ADAMTS19: variants seen among roughly 807,000 people sequenced by gnomAD.
The protein encoded by ADAMTS19 is ADAM metallopeptidase with thrombospondin type 1 motif 19.
In ADAMTS19, 93 loss-of-function variants were observed where a neutral mutation model predicts 153.3. That is an observed-to-expected ratio of 0.61 (90% CI 0.51 to 0.72). ADAMTS19 has a LOEUF of 0.72. Among genes scored for constraint, ADAMTS19 ranks in the 30% least tolerant of loss-of-function variants. The probability of loss-of-function intolerance (pLI) is 0.00; values close to 1 mark genes in which losing one functional copy is unlikely to be tolerated. For synonymous variants in ADAMTS19, 600 were observed against 556.6 expected (o/e 1.08, Z -1.10); for missense variants, 1,482 against 1,552.1 (o/e 0.95, Z 0.76).
At chr5:129,470,703 C>A (rs1008904902) in intron 2 of ADAMTS19, among the ~76,000 whole-genome samples, 7 of 152,148 alleles carry the variant, frequency 4.6e-5, no homozygotes, top group African/African-American at 1.7e-4. Context: ...AGAAACTTGA[C>A]TTCATCTCAT....
intron 7 of ADAMTS19, among the ~76,000 whole-genome samples, chr5:129,570,161 G>A (rs62398984): frequency 0.061 from 9,252 of 151,876 alleles, 415 homozygotes; most frequent in Non-Finnish European, 0.088. Context: ...GGAATTGTGA[G>A]TAAAATTTCA....
chr5:129,623,968 A>G (rs1450529395), intron 10 of ADAMTS19, among the ~76,000 whole-genome samples: 1 of 151,350 alleles, frequency 6.6e-6, no homozygotes, highest in Admixed American at 6.6e-5. Context: ...AAAATATAAA[A>G]AAAAAAAAAT....
At chr5:129,707,759 CAA>C (rs1015089989) in intron 21 of ADAMTS19, among the ~76,000 whole-genome samples, 3 of 152,174 alleles carry the variant, frequency 2.0e-5, no homozygotes, top group Admixed American at 2.0e-4. Flanking sequence ...CAGTTTCACG[CAA>C]AGTCTGCCCT....
At chr5:129,631,007 A>C (rs1380548717) in intron 10 of ADAMTS19, among the ~76,000 whole-genome samples, 2 of 152,012 alleles carry the variant, frequency 1.3e-5, no homozygotes, top group African/African-American at 4.8e-5. Context: ...AAGAAATGCA[A>C]ATTAAAACCA....
intron 6 of ADAMTS19, among the ~76,000 whole-genome samples, chr5:129,541,359 C>A (rs1752648003): frequency 6.6e-6 from 1 of 151,890 alleles, no homozygotes; most frequent in African/African-American, 2.4e-5. Context: ...GTTGCAGGTT[C>A]ATGCATCATG....
chr5:129,548,994 G>A (rs1752966067), intron 6 of ADAMTS19, among the ~76,000 whole-genome samples: 1 of 133,762 alleles, frequency 7.5e-6, no homozygotes, highest in South Asian at 2.5e-4. Flanking sequence ...CATGGACACA[G>A]GAAGGGGAGC....
intron 21 of ADAMTS19, among the ~76,000 whole-genome samples, chr5:129,714,044 G>T (rs188096534): frequency 8.5e-5 from 13 of 152,328 alleles, no homozygotes; most frequent in African/African-American, 2.9e-4. Flanking sequence ...CAGTGTCAAT[G>T]ATGTGTGTAG....
intron 7 of ADAMTS19, among the ~76,000 whole-genome samples, chr5:129,567,180 CA>C (rs1199414920): frequency 6.6e-6 from 1 of 152,036 alleles, no homozygotes; most frequent in East Asian, 1.9e-4. Context: ...CCAAGACACG[CA>C]GAAGCCTTGT....
intron 21 of ADAMTS19, among the ~76,000 whole-genome samples, chr5:129,712,943 G>C (rs1340925042): frequency 1.3e-5 from 2 of 152,104 alleles, no homozygotes; most frequent in Non-Finnish European, 2.9e-5. Flanking sequence ...GAGAAATATT[G>C]TAAAAATAAA....
chr5:129,610,092 A>ATT (rs1751123330), intron 8 of ADAMTS19, among the ~76,000 whole-genome samples: 1 of 39,462 alleles, frequency 2.5e-5, no homozygotes, highest in Admixed American at 2.0e-4. Context: ...AGGTAGTGGT[A>ATT]TTATATATAT....
At chr5:129,736,946 A>T in intron 22 of ADAMTS19, 121 bp from the exon 23 acceptor site, 4 of 892,176 alleles carry the variant, frequency 4.5e-6, no homozygotes, top group Non-Finnish European at 6.3e-6. Context: ...AAATTCCAGA[A>T]GGTAATATAA....
rs1294791527 is a variant in ADAMTS19, at chr5:129,526,415, G to A, written c.1045G>A (p.Ala349Thr). ...ADPAMVSYHGADAARRFILTI... is the reference protein window; with the variant it reads ...ADPAMVSYHGTDAARRFILTI... ...CCCAGCAATGGTTTCCTATCATGGAGCAGATGCAGCCAGGAGATTCATTCT... is the reference window on the plus strand; with the variant it reads ...CCCAGCAATGGTTTCCTATCATGGAACAGATGCAGCCAGGAGATTCATTCT... Residue 349 changes from alanine to threonine, a missense_variant, in exon 4 of 23, where the codon GCA becomes ACA. Transcript: ENST00000274487. 6.2e-7 allele frequency: 1 copy of A among 1,604,114 alleles called. No homozygotes were observed. Among genetic ancestry groups the A allele is most frequent in the East Asian group, 2.3e-5 (1 of 43,960 alleles).
intron 8 of ADAMTS19, among the ~76,000 whole-genome samples, chr5:129,600,280 T>G (rs528512190): frequency 6.6e-6 from 1 of 152,100 alleles, no homozygotes; most frequent in African/African-American, 2.4e-5. Flanking sequence ...GCTATGTAAG[T>G]GAAACTCTTT....
At chr5:129,636,715 G>A (rs916678755) in intron 10 of ADAMTS19, among the ~76,000 whole-genome samples, 1 of 152,164 alleles carries the variant, frequency 6.6e-6, no homozygotes, top group African/African-American at 2.4e-5. Context: ...ATGTAAATGA[G>A]CTAGATTTCT....
chr5:129,664,202 C>A (rs1753936729), intron 15 of ADAMTS19, among the ~76,000 whole-genome samples: 1 of 152,140 alleles, frequency 6.6e-6, no homozygotes, highest in African/African-American at 2.4e-5. Flanking sequence ...TTAACCATAT[C>A]ATTTTGCATA....
rs577673587 is a variant in ADAMTS19, at chr5:129,591,726, C to T, written c.1373-4833C>T. ...GACTCACAGATTACAGTCATAGGAC[C>T]AGTAATTAACTGGAACTTCGCCAGG... On this transcript the variant is annotated intron_variant, in intron 7 of 22. Transcript: ENST00000274487. Among the ~76,000 whole-genome samples, 457 of 152,148 alleles carry T rather than the reference C, an allele frequency of 3.0e-3. 2 individuals are homozygous for T. The highest frequency in any genetic ancestry group is 4.8e-3 in the Non-Finnish European group (328 of 68,004).
intron 1 of ADAMTS19, 107 bp downstream of exon 1, chr5:129,460,589 C>T: frequency 8.2e-7 from 1 of 1,216,170 alleles, no homozygotes; most frequent in South Asian, 1.2e-5. Context: ...GAGCAGGGCT[C>T]AGTGGGTAGC....
At chr5:129,520,752 A>G (rs916626594) in intron 3 of ADAMTS19, among the ~76,000 whole-genome samples, 1 of 152,152 alleles carries the variant, frequency 6.6e-6, no homozygotes, top group East Asian at 1.9e-4. Context: ...ATGATTTCTA[A>G]TGAGTCTGAA....
intron 7 of ADAMTS19, among the ~76,000 whole-genome samples, chr5:129,566,479 A>G (rs1753713341): frequency 6.6e-6 from 1 of 152,214 alleles, no homozygotes. Context: ...TTTTAAAAGT[A>G]AAAGTAACAG....
Sources: gnomAD v4.1 joint callset for allele counts (sites outside exome capture counted in the v4.1 genomes callset) on GRCh38, gnomAD v4.1.1 for gene constraint, MANE v1.5 for transcripts, NCBI Gene and HGNC (gene_info 2026-07-23, HGNC 2026-07-21) for gene names.